The following SYNRG variants were observed in gnomAD, a reference collection of about 807,000 sequenced individuals.
SYNRG encodes synergin gamma, also known as AP1 gamma subunit binding protein 1.
A neutral mutation model predicts 130.9 loss-of-function variants in SYNRG; 37 were observed. The ratio of observed to expected loss-of-function variants is 0.28; its 90% CI spans 0.22 to 0.37. The LOEUF is 0.37. Ranked by LOEUF, SYNRG falls within the 10% of genes least tolerant of loss-of-function variation. The pLI is 1.00. For synonymous variants in SYNRG, 539 were observed against 568.1 expected, an observed-to-expected ratio of 0.95 and a Z score of 0.73; for missense variants, 1,338 against 1,588.9, an observed-to-expected ratio of 0.84 and a Z score of 2.68.
intron 14 of SYNRG, among the ~76,000 whole-genome samples, chr17:37,546,263 G>T (rs1464105052): frequency 1.3e-5 from 2 of 152,136 alleles, no homozygotes; most frequent in Non-Finnish European, 2.9e-5. Context: ...TCTGAAAATT[G>T]CAAGAGAAAA....
At chr17:37,568,602 C>T (rs1598404119) in intron 11 of SYNRG, 189 bp downstream of exon 11, 2 of 556,914 alleles carry the variant, frequency 3.6e-6, no homozygotes, top group East Asian at 6.2e-5. Flanking sequence ...ACAGTAGGAG[C>T]TGAAGTTTAA....
At position 37,577,613 on chromosome 17, in the gene SYNRG, C is replaced by T. The variant is rs768370732; in HGVS notation, c.590G>A (p.Gly197Asp). The T allele has an allele frequency of 7.3e-5, 118 of 1,611,854 alleles. No individual in the cohort carries two copies. Among genetic ancestry groups the T allele is most frequent in the Non-Finnish European group, 9.8e-5 (116 of 1,178,408 alleles). ...PTPASHPKKP[G>D]PSLEEKFLVS... Reference sequence around the variant, plus strand: ...TAGGAACTTCTCCTCCAAGGAAGGGCCTAAACAAAGAGCATGAAGGATTAT... The same window carrying T: ...TAGGAACTTCTCCTCCAAGGAAGGGTCTAAACAAAGAGCATGAAGGATTAT... The change falls in exon 7 of 22, where the codon GGC becomes GAC. Residue 197 changes from glycine to aspartate, a missense_variant and splice_region_variant. By Grantham distance (94) the Gly-to-Asp change is moderately conservative. This residue lies in a region of SYNRG where 1,146 missense variants were observed against 1,342.3 expected (regional missense o/e 0.85). Coordinates refer to ENST00000612223, the MANE Select transcript of SYNRG (RefSeq NM_007247.6).
intron 20 of SYNRG, 71 bp from the exon 21 acceptor site, chr17:37,520,285 T>G: frequency 6.3e-7 from 1 of 1,598,048 alleles, no homozygotes. Flanking sequence ...AACACATCTT[T>G]ACAGGTTCAC....
intron 6 of SYNRG, chr17:37,579,435 C>A: frequency 1.5e-6 from 2 of 1,302,706 alleles, no homozygotes; most frequent in Non-Finnish European, 2.0e-6. Flanking sequence ...GTGGGGCAAT[C>A]TGCAAAATGG....
Position 37,585,399 on chromosome 17 carries a change from C to G in SYNRG, c.403G>C (p.Glu135Gln). The G allele has an allele frequency of 6.2e-7, 1 of 1,613,622 alleles. No homozygotes were observed. The highest frequency in any genetic ancestry group is 1.1e-5 in the South Asian group (1 of 91,076). Reference sequence around the variant, plus strand: ...AACTGGCGTCTTTTTCTTTCTTCTTCTAAGAGTTTTTGCTGCTGTTCAAAT... The same window carrying G: ...AACTGGCGTCTTTTTCTTTCTTCTTGTAAGAGTTTTTGCTGCTGTTCAAAT... ...KRFEQQQKLL[E>Q]EERKRRQFEE... is the part of the protein sequence containing the mutation. The change falls in exon 5 of 22, where the codon GAA (glutamate) becomes CAA (glutamine). Residue 135 changes from glutamate to glutamine, a missense_variant. This residue lies in a region of SYNRG where 184 missense variants were observed against 217.2 expected (regional missense o/e 0.85). Transcript: ENST00000612223.
At chr17:37,539,314 A>G (rs2057509709) in intron 16 of SYNRG, 69 bp from the exon 17 acceptor site, 7 of 1,515,316 alleles carry the variant, frequency 4.6e-6, no homozygotes, top group Non-Finnish European at 5.5e-6. Context: ...GACTCTGTCA[A>G]TTCAAAGTGC....
At chr17:37,536,890 T>C (rs904562336) in intron 18 of SYNRG, 1 of 152,256 alleles carries the variant, frequency 6.6e-6, no homozygotes, top group South Asian at 2.1e-4. Flanking sequence ...ATGACCCCGA[T>C]CTCTCTAAGT....
intron 7 of SYNRG, among the ~76,000 whole-genome samples, chr17:37,576,779 C>T (rs1233183522): frequency 1.3e-5 from 2 of 152,274 alleles, no homozygotes; most frequent in South Asian, 2.1e-4. Flanking sequence ...CCAAGCTTTA[C>T]TTGCAGTTTT....
chr17:37,578,321 ACT>A (rs1295165864), intron 6 of SYNRG, among the ~76,000 whole-genome samples: 1 of 150,866 alleles, frequency 6.6e-6, no homozygotes, highest in East Asian at 2.0e-4. Flanking sequence ...ACAGTGCAAG[ACT>A]CTGTCTCAAA....
At chr17:37,520,265 C>T in intron 20 of SYNRG, 51 bp from the exon 21 acceptor site, 1 of 1,611,066 alleles carries the variant, frequency 6.2e-7, no homozygotes, top group Non-Finnish European at 8.5e-7. Context: ...AACAGGGCCT[C>T]TTGCCTCCAA....
intron 6 of SYNRG, among the ~76,000 whole-genome samples, chr17:37,581,489 G>A (rs983751780): frequency 4.6e-5 from 7 of 152,104 alleles, no homozygotes; most frequent in African/African-American, 1.7e-4. Context: ...TGTTGGCCAG[G>A]CTGGTCTCGA....
At chr17:37,531,218 G>A (rs2056601513) in intron 19 of SYNRG, among the ~76,000 whole-genome samples, 1 of 152,168 alleles carries the variant, frequency 6.6e-6, no homozygotes, top group Non-Finnish European at 1.5e-5. Context: ...GGGTGACAGT[G>A]TGAGACCCTG....
At position 37,515,005 on chromosome 17, in the gene SYNRG, C is replaced by T. The variant is rs1225328419; in HGVS notation, c.*3935G>A. On this transcript the variant is annotated 3_prime_UTR_variant, in exon 22 of 22. Transcript: ENST00000612223. Reference sequence around the variant, plus strand: ...GAATTCCACATCACGCAGAAGACAACGCATTTCGCTAAGGGCCACAGCATT... The same window carrying T: ...GAATTCCACATCACGCAGAAGACAATGCATTTCGCTAAGGGCCACAGCATT... The T allele has an allele frequency of 2.0e-5, 3 of 152,168 alleles. No individual in the cohort carries two copies. The highest frequency in any genetic ancestry group is 4.4e-5 in the Non-Finnish European group (3 of 68,042). The allele number at this position is 152,168 out of a possible 1,614,324, so 9.4% of individuals were successfully genotyped here.
In SYNRG at chr17:37,533,875, C is replaced by T. The variant is rs1427056429; in HGVS notation, c.3666+2104G>A. On this transcript the variant is annotated intron_variant, in intron 19 of 21. Transcript: ENST00000612223. ...TACAGGCATCAGCCACTAAGGCCTT[C>T]GTTATATTTTCTAACAAAAAAAATA... is the stretch of plus-strand genomic sequence containing the variant. 2.2e-5 allele frequency among the ~76,000 whole-genome samples: 3 copies of T among 133,906 alleles called. No homozygotes were observed. In the East Asian group the frequency reaches 6.9e-4, roughly 31 times the overall value. The allele number at this position is 133,906 out of a possible 152,430, so 87.8% of individuals were successfully genotyped here. A position where few individuals can be genotyped will look rare whatever the true frequency, so the allele number is the denominator to read the frequency against.
At chr17:37,574,574 A>G (rs1388731565) in intron 8 of SYNRG, among the ~76,000 whole-genome samples, 2 of 152,188 alleles carry the variant, frequency 1.3e-5, no homozygotes, top group Non-Finnish European at 2.9e-5. Flanking sequence ...TAATAATCTG[A>G]TTTTAAAATG....
At chr17:37,580,510 T>TGTGTGAGAGAGA (rs1384344164) in intron 6 of SYNRG, among the ~76,000 whole-genome samples, 1 of 127,660 alleles carries the variant, frequency 7.8e-6, no homozygotes, top group African/African-American at 3.6e-5. Flanking sequence ...TGTGTGTGTG[T>TGTGTGAGAGAGA]GAGAGAGAGA....
At chr17:37,534,522 G>A (rs1484031187) in intron 19 of SYNRG, among the ~76,000 whole-genome samples, 2 of 151,812 alleles carry the variant, frequency 1.3e-5, no homozygotes, top group Non-Finnish European at 2.9e-5. Flanking sequence ...CACTGCACCT[G>A]GCTGCTTGAA....
At chr17:37,597,219 G>A (rs1184927815) in intron 2 of SYNRG, among the ~76,000 whole-genome samples, 1 of 152,172 alleles carries the variant, frequency 6.6e-6, no homozygotes, top group Non-Finnish European at 1.5e-5. Flanking sequence ...ATCTCAGCGA[G>A]CCACCTCGGC....
At chr17:37,602,192 G>A (rs1340766801) in intron 1 of SYNRG, among the ~76,000 whole-genome samples, 1 of 151,938 alleles carries the variant, frequency 6.6e-6, no homozygotes, top group Non-Finnish European at 1.5e-5. Flanking sequence ...AAAATTAGCT[G>A]GGCATGGTGG....
Sources: gnomAD v4.1 joint callset for allele counts (sites outside exome capture counted in the v4.1 genomes callset) on GRCh38, gnomAD v4.1.1 for gene constraint, gnomAD v4.1.1 regional missense constraint, MANE v1.5 for transcripts, NCBI Gene and HGNC (gene_info 2026-07-23, HGNC 2026-07-21) for gene names.